The following TSHZ2 variants were observed in gnomAD, a reference collection of about 807,000 sequenced individuals.
TSHZ2 encodes teashirt zinc finger homeobox 2.
In TSHZ2, 21 loss-of-function variants were observed where a neutral mutation model predicts 74.4. The observed-to-expected ratio is 0.28, with a 90% CI of 0.20 to 0.41. TSHZ2 has a LOEUF of 0.41. Among genes scored for constraint, TSHZ2 ranks in the 10% least tolerant of loss-of-function variants. The pLI, the probability that TSHZ2 is intolerant of heterozygous loss-of-function variation, is 1.00. For missense variants in TSHZ2, 1,244 were observed against 1,293.5 expected (o/e 0.96, Z 0.59); for synonymous variants, 540 against 515.3 (o/e 1.05, Z -0.65).
intron 1 of TSHZ2, among the ~76,000 whole-genome samples, chr20:53,167,901 A>G (rs928730082): frequency 6.6e-6 from 1 of 152,212 alleles, no homozygotes; most frequent in Non-Finnish European, 1.5e-5. Context: ...ACTGTCTTTC[A>G]AGGTGTTTCT....
intron 1 of TSHZ2, among the ~76,000 whole-genome samples, chr20:53,235,579 G>A (rs946078266): frequency 6.6e-6 from 1 of 152,090 alleles, no homozygotes; most frequent in African/African-American, 2.4e-5. Flanking sequence ...TACCTCACAG[G>A]ATTATTTCCA....
At chr20:53,333,318 C>T (rs935280843) in intron 2 of TSHZ2, among the ~76,000 whole-genome samples, 7 of 152,094 alleles carry the variant, frequency 4.6e-5, no homozygotes, top group Admixed American at 2.6e-4. Flanking sequence ...GAGGCTAGAT[C>T]GCAGATTGAA....
At chr20:53,192,344 A>C (rs114299111) in intron 1 of TSHZ2, among the ~76,000 whole-genome samples, 132 of 152,202 alleles carry the variant, frequency 8.7e-4, no homozygotes, top group African/African-American at 3.2e-3. Context: ...TCAGACAAGA[A>C]GGCTTCCAAA....
chr20:53,346,008 A>G (rs1051208594), intron 2 of TSHZ2, among the ~76,000 whole-genome samples: 1 of 152,138 alleles, frequency 6.6e-6, no homozygotes, highest in Non-Finnish European at 1.5e-5. Flanking sequence ...GCAAACAGTT[A>G]ATGGTTGAAT....
chr20:53,211,270 A>C (rs539999158), intron 1 of TSHZ2, among the ~76,000 whole-genome samples: 1 of 152,190 alleles, frequency 6.6e-6, no homozygotes, highest in Non-Finnish European at 1.5e-5. Flanking sequence ...CGGCGTTTAA[A>C]ATTAAACCTC....
Position 52,973,284 on chromosome 20 carries a change from G to T in TSHZ2, c.-10G>T. 6.4e-7 allele frequency: 1 copy of T among 1,552,820 alleles called. No individual in the cohort carries two copies. The highest frequency in any genetic ancestry group is 1.2e-5 in the South Asian group (1 of 84,146). On this transcript the variant is annotated 5_prime_UTR_variant, in exon 1 of 3. Transcript: ENST00000371497. The stretch of plus-strand genomic sequence containing the variant: ...GGGGCGCCAGAAGTGGGACTGGAGC[G>T]AAGTAGAGGATGCCGAGGAGAAAAC...
intron 1 of TSHZ2, among the ~76,000 whole-genome samples, chr20:52,987,992 A>C (rs548143204): frequency 6.6e-6 from 1 of 152,124 alleles, no homozygotes; most frequent in South Asian, 2.1e-4. Flanking sequence ...ATATTTTTTC[A>C]TACTTTTTCA....
Position 53,348,176 on chromosome 20 carries a change from G to C in TSHZ2, c.*8+91605G>C, listed in dbSNP as rs1019185109. On this transcript the variant is annotated intron_variant, in intron 2 of 2. Transcript: ENST00000371497. Reference sequence around the variant, plus strand: ...CATACAAAAAACATGGGAGACAAGTGTTCTAACGAAAACTTTTATATGAGT... The same window carrying C: ...CATACAAAAAACATGGGAGACAAGTCTTCTAACGAAAACTTTTATATGAGT... 9.2e-5 allele frequency among the ~76,000 whole-genome samples: 14 copies of C among 152,304 alleles called. 1 individual carries two copies. Among genetic ancestry groups the C allele is most frequent in the Admixed American group, 9.1e-4 (14 of 15,302 alleles).
chr20:53,452,043 G>T lies in TSHZ2; in HGVS notation c.*9-35101G>T, dbSNP rs564942376. Among the ~76,000 whole-genome samples, 105 of 152,344 alleles carry T rather than the reference G, an allele frequency of 6.9e-4. 1 individual carries two copies. The South Asian group carries it at 0.022, about 31-fold the overall frequency. The stretch of plus-strand genomic sequence containing the variant: ...ATAGTCAAGAATAGTCAAGACATGG[G>T]CAAGACAAGAGTGCTGTCATCAAGT... On this transcript the variant is annotated intron_variant, in intron 2 of 2. Transcript: ENST00000371497.
intron 1 of TSHZ2, among the ~76,000 whole-genome samples, chr20:53,102,276 C>T (rs6022279): frequency 0.05 from 7,615 of 152,040 alleles, 334 homozygotes; most frequent in African/African-American, 0.12. Context: ...GAAAAAAGTG[C>T]CTGGGGCAGG....
At chr20:53,105,643 T>A (rs1237329532) in intron 1 of TSHZ2, among the ~76,000 whole-genome samples, 1 of 151,990 alleles carries the variant, frequency 6.6e-6, no homozygotes, top group Non-Finnish European at 1.5e-5. Flanking sequence ...ATTTTATTTT[T>A]ATTTTTATTT....
intron 1 of TSHZ2, among the ~76,000 whole-genome samples, chr20:53,116,143 CAGAATT>C (rs1986660040): frequency 6.6e-6 from 1 of 152,176 alleles, no homozygotes; most frequent in African/African-American, 2.4e-5. Flanking sequence ...TGGTTCTTAT[CAGAATT>C]AGAGATTCTG....
chr20:53,087,017 G>A (rs145942056), intron 1 of TSHZ2, among the ~76,000 whole-genome samples: 5 of 152,288 alleles, frequency 3.3e-5, no homozygotes, highest in Non-Finnish European at 5.9e-5. Flanking sequence ...GGATGGCCAA[G>A]CATGGCTCTG....
intron 1 of TSHZ2, among the ~76,000 whole-genome samples, chr20:53,007,295 C>A (rs185544922): frequency 6.6e-6 from 1 of 152,036 alleles, no homozygotes; most frequent in Non-Finnish European, 1.5e-5. Flanking sequence ...AAGGTTGGCA[C>A]GATCGGCTCC....
chr20:53,024,647 GC>G (rs1201976364), intron 1 of TSHZ2, among the ~76,000 whole-genome samples: 4 of 151,738 alleles, frequency 2.6e-5, no homozygotes, highest in Non-Finnish European at 5.9e-5. Flanking sequence ...CCCTCTCCTA[GC>G]CCCCCACCCA....
chr20:53,387,108 G>A (rs1157998915), intron 2 of TSHZ2, among the ~76,000 whole-genome samples: 1 of 152,150 alleles, frequency 6.6e-6, no homozygotes, highest in African/African-American at 2.4e-5. Flanking sequence ...TAGACAGAGA[G>A]CGTCTTTAGA....
chr20:53,385,446 C>T (rs753958751), intron 2 of TSHZ2, among the ~76,000 whole-genome samples: 4 of 152,142 alleles, frequency 2.6e-5, no homozygotes, highest in East Asian at 3.9e-4. Context: ...GGATCACTCA[C>T]GCCTCCCTCG....
intron 1 of TSHZ2, among the ~76,000 whole-genome samples, chr20:52,996,008 C>T (rs1213259268): frequency 2.0e-5 from 3 of 152,132 alleles, no homozygotes; most frequent in Non-Finnish European, 4.4e-5. Flanking sequence ...GTTTTTAATG[C>T]ATGCTAAGTA....
At chr20:52,985,444 A>G (rs961361973) in intron 1 of TSHZ2, among the ~76,000 whole-genome samples, 1 of 152,220 alleles carries the variant, frequency 6.6e-6, no homozygotes, top group African/African-American at 2.4e-5. Flanking sequence ...TAACAAGTTA[A>G]TAATCCTCTC....
Sources: gnomAD v4.1 joint callset for allele counts (sites outside exome capture counted in the v4.1 genomes callset) on GRCh38, gnomAD v4.1.1 for gene constraint, MANE v1.5 for transcripts, NCBI Gene and HGNC (gene_info 2026-07-23, HGNC 2026-07-21) for gene names.